RALGAPB: variants seen among roughly 807,000 people sequenced by gnomAD.
RALGAPB encodes the protein ral GTPase-activating protein subunit beta.
RALGAPB carries 25 observed loss-of-function variants against 161.1 expected under a neutral mutation model. The ratio of observed to expected loss-of-function variants is 0.16; its 90% confidence interval spans 0.11 to 0.22. RALGAPB has a LOEUF of 0.22. Among genes scored for constraint, RALGAPB ranks in the 10% least tolerant of loss-of-function variants. The probability of loss-of-function intolerance (pLI) is 1.00; values close to 1 mark genes in which losing one functional copy is unlikely to be tolerated. For synonymous variants in RALGAPB, 629 were observed against 626.1 expected, an observed-to-expected ratio of 1.00 and a Z score of -0.07; for missense variants, 1,391 against 1,815.2, an observed-to-expected ratio of 0.77 and a Z score of 4.25.
intron 15 of RALGAPB, among the ~76,000 whole-genome samples, chr20:38,533,062 G>A (rs571030178): frequency 4.5e-4 from 69 of 152,130 alleles, no homozygotes; most frequent in African/African-American, 1.6e-3. Flanking sequence ...ATTAGATTTG[G>A]GGTAGTATAT....
intron 16 of RALGAPB, among the ~76,000 whole-genome samples, chr20:38,535,829 C>T (rs533282131): frequency 6.6e-6 from 1 of 152,306 alleles, no homozygotes; most frequent in South Asian, 2.1e-4. Flanking sequence ...AGGTGATCCA[C>T]CCGCCTTGGC....
chr20:38,486,792 C>G lies in RALGAPB; in HGVS notation c.-30-1611C>G, dbSNP rs1333485799. On this transcript the variant is annotated intron_variant, in intron 1 of 29. Transcript: ENST00000262879. ...TAAATTTTTATTTGAATATAACATACAAAATTTTGGACACACTTTAGTGGA... is the reference window on the plus strand; with the variant it reads ...TAAATTTTTATTTGAATATAACATAGAAAATTTTGGACACACTTTAGTGGA... Among the ~76,000 whole-genome samples, 4 of 152,214 alleles carry G rather than the reference C, an allele frequency of 2.6e-5. No homozygotes were observed. The East Asian group carries it at 7.7e-4, about 29-fold the overall frequency.
intron 11 of RALGAPB, 41 bp from the exon 12 acceptor site, chr20:38,525,363 C>T: frequency 7.1e-7 from 1 of 1,404,690 alleles, no homozygotes; most frequent in Non-Finnish European, 9.9e-7. Flanking sequence ...TAAAAATGTG[C>T]TTTAGTTCAA....
chr20:38,517,205 A>G (rs140959589), intron 7 of RALGAPB, among the ~76,000 whole-genome samples: 1 of 152,328 alleles, frequency 6.6e-6, no homozygotes, highest in Non-Finnish European at 1.5e-5. Context: ...TTGGTCCTTT[A>G]AGAAGATCTC....
At chr20:38,562,748 GTTT>G in intron 24 of RALGAPB, 51 bp downstream of exon 24, 1 of 1,221,704 alleles carries the variant, frequency 8.2e-7, no homozygotes, top group Non-Finnish European at 1.1e-6. Flanking sequence ...TGTTAGTCTT[GTTT>G]TTTTTTTTCC....
chr20:38,534,238 C>G (rs1171155067), intron 15 of RALGAPB: 1 of 151,528 alleles, frequency 6.6e-6, no homozygotes, highest in African/African-American at 2.4e-5. Flanking sequence ...TTGTTTGTTT[C>G]AGCATTTTGA....
Position 38,532,801 on chromosome 20 carries a change from C to T in RALGAPB, c.2187C>T (p.Ser729=). The change falls in exon 15 of 30, where the codon AGC becomes AGT. Residue 729 remains serine (S), a synonymous_variant. Transcript: ENST00000262879. ...GTATTAGTTCAGCAAGTGGTGGAAG[C>T]ACGGAGCCCACGACTCCCGATAGTG... ...NSGISSASGG[S]TEPTTPDSER... 1 of 1,614,012 alleles carries T rather than the reference C, an allele frequency of 6.2e-7. No individual in the cohort carries two copies. Among genetic ancestry groups the T allele is most frequent in the Non-Finnish European group, 8.5e-7 (1 of 1,179,880 alleles).
At chr20:38,566,457 G>A (rs567265664) in intron 25 of RALGAPB, among the ~76,000 whole-genome samples, 67 of 152,234 alleles carry the variant, frequency 4.4e-4, no homozygotes, top group Non-Finnish European at 6.2e-4. Context: ...CTAGAGCCTC[G>A]TCCTTATTCT....
rs1424618776 is a variant in RALGAPB, at chr20:38,510,637, G to A, written c.872+1429G>A. ...TTGAAAATCTTTTATAGGGCCGGGC[G>A]CGGTGGCTCACGCCTGTAATCCCAG... On this transcript the variant is annotated intron_variant, in intron 6 of 29. Coordinates refer to ENST00000262879, the MANE Select transcript of RALGAPB (RefSeq NM_020336.4). 5.5e-5 allele frequency among the ~76,000 whole-genome samples: 8 copies of A among 144,714 alleles called. 1 individual carries two copies. Among genetic ancestry groups the A allele is most frequent in the African/African-American group, 1.5e-4 (5 of 34,220 alleles). The allele number at this position is 144,714 out of a possible 152,430, so 94.9% of individuals were successfully genotyped here.
chr20:38,482,360 C>G (rs913777800), intron 1 of RALGAPB, among the ~76,000 whole-genome samples: 1 of 150,728 alleles, frequency 6.6e-6, no homozygotes, highest in African/African-American at 2.4e-5. Flanking sequence ...CCATGTTGTT[C>G]AAGGGTCAAC....
intron 7 of RALGAPB, chr20:38,516,656 T>C (rs1277874035): frequency 7.2e-6 from 2 of 277,194 alleles, no homozygotes; most frequent in Non-Finnish European, 1.3e-5. Context: ...AACAAAGTGC[T>C]AAGAACAAGA....
chr20:38,525,390 T>G lies in RALGAPB; in HGVS notation c.1788-14T>G, dbSNP rs745629526. The G allele has an allele frequency of 4.1e-5, 63 of 1,547,224 alleles. No homozygotes were observed. Among genetic ancestry groups the G allele is most frequent in the Non-Finnish European group, 5.6e-5 (63 of 1,134,014 alleles). On this transcript the variant is annotated splice_polypyrimidine_tract_variant and intron_variant, in intron 11 of 29. Transcript: ENST00000262879. ...TTAGTTCAAAAATACTAATAGCTTT[T>G]TATTTTTTGGCAGAGAACTCTCAAA...
At chr20:38,520,751 G>T (rs1380256975) in intron 9 of RALGAPB, among the ~76,000 whole-genome samples, 1 of 151,966 alleles carries the variant, frequency 6.6e-6, no homozygotes, top group Admixed American at 6.6e-5. Context: ...AGTAATAAAA[G>T]ATTTCAGAGT....
At chr20:38,532,621 T>G in intron 14 of RALGAPB, 109 bp from the exon 15 acceptor site, 5 of 1,324,030 alleles carry the variant, frequency 3.8e-6, no homozygotes, top group Non-Finnish European at 3.2e-6. Flanking sequence ...CAGTTTGTAC[T>G]ATTCAGTTGG....
intron 5 of RALGAPB, among the ~76,000 whole-genome samples, chr20:38,507,181 A>G (rs2085787146): frequency 6.6e-6 from 1 of 152,166 alleles, no homozygotes; most frequent in African/African-American, 2.4e-5. Flanking sequence ...TTCCCTTTTT[A>G]AAAATGCCAG....
intron 27 of RALGAPB, 48 bp downstream of exon 27, chr20:38,570,044 G>A (rs989348903): frequency 2.7e-6 from 4 of 1,455,990 alleles, no homozygotes; most frequent in Non-Finnish European, 3.8e-6. Context: ...ATATATGACA[G>A]TGACTTGCTA....
At chr20:38,504,266 A>G (rs1222743533) in intron 5 of RALGAPB, among the ~76,000 whole-genome samples, 1 of 152,166 alleles carries the variant, frequency 6.6e-6, no homozygotes, top group African/African-American at 2.4e-5. Flanking sequence ...TAGAGAACCC[A>G]GAAGTAAAGC....
intron 5 of RALGAPB, 152 bp from the exon 6 acceptor site, chr20:38,508,925 T>G: frequency 1.2e-6 from 1 of 829,386 alleles, no homozygotes; most frequent in Non-Finnish European, 1.8e-6. Flanking sequence ...CCTCTTTCAG[T>G]TTGTCTGTTT....
At chr20:38,544,002 A>G (rs933300557) in intron 18 of RALGAPB, among the ~76,000 whole-genome samples, 3 of 152,152 alleles carry the variant, frequency 2.0e-5, no homozygotes, top group Non-Finnish European at 4.4e-5. Flanking sequence ...AAAATTATGG[A>G]GTGCAGATTA....
Sources: allele counts gnomAD v4.1 joint callset (sites outside exome capture counted in the v4.1 genomes callset), GRCh38; gene constraint gnomAD v4.1.1; transcripts MANE v1.5; gene names NCBI Gene and HGNC (gene_info 2026-07-23, HGNC 2026-07-21).